The following CCSER1 variants were observed in gnomAD, a reference collection of about 807,000 sequenced individuals.
CCSER1 encodes the protein coiled-coil serine rich protein 1, also known as serine-rich coiled-coil domain-containing protein 1.
In CCSER1, 41 loss-of-function variants were observed where a neutral mutation model predicts 82.0. The ratio of observed to expected loss-of-function variants is 0.50; its 90% CI spans 0.39 to 0.65. The LOEUF is 0.65. Ranked by LOEUF, CCSER1 falls within the 30% of genes least tolerant of loss-of-function variation. CCSER1 has a pLI of 0.00. For synonymous variants in CCSER1, 414 were observed against 383.9 expected (o/e 1.08, Z -0.92); for missense variants, 1,119 against 1,064.2 (o/e 1.05, Z -0.72).
intron 10 of CCSER1, among the ~76,000 whole-genome samples, chr4:91,200,929 C>CA (rs1393448363): frequency 2.0e-5 from 3 of 151,572 alleles, no homozygotes; most frequent in African/African-American, 7.3e-5. Flanking sequence ...TAGTCTTTTA[C>CA]AAAATCTAGT....
At chr4:90,888,448 T>C (rs1214755679) in intron 8 of CCSER1, among the ~76,000 whole-genome samples, 1 of 152,072 alleles carries the variant, frequency 6.6e-6, no homozygotes, top group Non-Finnish European at 1.5e-5. Context: ...AGAGAAACAA[T>C]CCTTTCTATT....
chr4:90,375,859 T>C (rs563228274), intron 3 of CCSER1, among the ~76,000 whole-genome samples: 16 of 152,274 alleles, frequency 1.1e-4, no homozygotes, highest in South Asian at 4.1e-4. Flanking sequence ...AGGCAGTCCC[T>C]CCAAAAACTA....
intron 1 of CCSER1, among the ~76,000 whole-genome samples, chr4:90,181,175 A>G (rs928486690): frequency 2.0e-5 from 3 of 152,268 alleles, no homozygotes; most frequent in Admixed American, 6.6e-5. Flanking sequence ...CAATTTACCC[A>G]TGGAGCAAAC....
chr4:90,154,657 C>T (rs1358981521), intron 1 of CCSER1, among the ~76,000 whole-genome samples: 2 of 147,524 alleles, frequency 1.4e-5, no homozygotes, highest in Non-Finnish European at 1.5e-5. Context: ...AATGGGAGTT[C>T]ACTCATGATT....
chr4:91,218,292 C>A (rs1365006811), intron 10 of CCSER1, among the ~76,000 whole-genome samples: 1 of 152,236 alleles, frequency 6.6e-6, no homozygotes, highest in Admixed American at 6.5e-5. Flanking sequence ...CACACCCACC[C>A]GGAACTCCAG....
chr4:90,861,669 T>C (rs1169269467), intron 8 of CCSER1, among the ~76,000 whole-genome samples: 1 of 151,720 alleles, frequency 6.6e-6, no homozygotes, highest in Non-Finnish European at 1.5e-5. Flanking sequence ...ACAAAATTCT[T>C]GTAGAGTTAT....
At chr4:90,193,858 C>T (rs915698036) in intron 1 of CCSER1, among the ~76,000 whole-genome samples, 1 of 151,968 alleles carries the variant, frequency 6.6e-6, no homozygotes, top group African/African-American at 2.4e-5. Flanking sequence ...AACAAGGAAG[C>T]TAAAGGTAAA....
intron 1 of CCSER1, among the ~76,000 whole-genome samples, chr4:90,161,011 T>A (rs1481463206): frequency 6.6e-6 from 1 of 152,126 alleles, no homozygotes; most frequent in Non-Finnish European, 1.5e-5. Context: ...GCCAAAAAGA[T>A]AAGCTACCTA....
chr4:90,554,196 CA>C, intron 5 of CCSER1, among the ~76,000 whole-genome samples: 1 of 151,640 alleles, frequency 6.6e-6, no homozygotes, highest in African/African-American at 2.4e-5. Context: ...TCTGCCTTTA[CA>C]AAAAAAACAC....
At chr4:90,717,771 GTATATATATGTGTGTA>G (rs1741912808) in intron 6 of CCSER1, among the ~76,000 whole-genome samples, 1 of 147,366 alleles carries the variant, frequency 6.8e-6, no homozygotes, top group South Asian at 2.1e-4. Flanking sequence ...CATATATAGT[GTATATATATGTGTGTA>G]TATATATATA....
At chr4:91,249,950 TA>T (rs57121000) in intron 10 of CCSER1, among the ~76,000 whole-genome samples, 5,873 of 147,160 alleles carry the variant, frequency 0.04, 157 homozygotes, top group African/African-American at 0.076. Context: ...TCCTGAATAA[TA>T]AAAAAAAAAA....
chr4:90,478,542 A>C (rs1157854323), intron 5 of CCSER1, among the ~76,000 whole-genome samples: 1 of 152,112 alleles, frequency 6.6e-6, no homozygotes, highest in Non-Finnish European at 1.5e-5. Flanking sequence ...GTAACACTTA[A>C]ATGTATTTAA....
At chr4:90,941,195 C>G (rs1464296955) in intron 9 of CCSER1, among the ~76,000 whole-genome samples, 1 of 151,734 alleles carries the variant, frequency 6.6e-6, no homozygotes, top group Non-Finnish European at 1.5e-5. Flanking sequence ...AGCCATGGAC[C>G]CTTTTGCTAG....
intron 4 of CCSER1, among the ~76,000 whole-genome samples, chr4:90,466,426 C>G (rs1201992259): frequency 6.6e-6 from 1 of 152,178 alleles, no homozygotes; most frequent in Non-Finnish European, 1.5e-5. Context: ...GCCTTGAATC[C>G]TGCTACTGGA....
chr4:91,213,278 A>G (rs1736982196), intron 10 of CCSER1, among the ~76,000 whole-genome samples: 1 of 151,994 alleles, frequency 6.6e-6, no homozygotes, highest in Non-Finnish European at 1.5e-5. Context: ...GTGAATATCT[A>G]ACTTTGTTTT....
chr4:91,153,925 G>T (rs1730529386), intron 10 of CCSER1, among the ~76,000 whole-genome samples: 1 of 151,992 alleles, frequency 6.6e-6, no homozygotes, highest in Non-Finnish European at 1.5e-5. Flanking sequence ...CCCCTACTGG[G>T]AGGTGCCTCC....
chr4:91,365,361 G>A (rs183762855), intron 10 of CCSER1, among the ~76,000 whole-genome samples: 17 of 152,172 alleles, frequency 1.1e-4, no homozygotes, highest in Non-Finnish European at 1.5e-4. Context: ...TGCCCTGTAC[G>A]TTTTTGATTC....
chr4:90,346,068 A>T (rs1379252992), intron 3 of CCSER1, among the ~76,000 whole-genome samples: 3 of 151,922 alleles, frequency 2.0e-5, no homozygotes, highest in Non-Finnish European at 4.4e-5. Context: ...TGACCTGTGC[A>T]CATTCTGCTT....
chr4:91,097,638 A>G (rs1330421753), intron 10 of CCSER1, among the ~76,000 whole-genome samples: 1 of 152,238 alleles, frequency 6.6e-6, no homozygotes, highest in East Asian at 1.9e-4. Flanking sequence ...AAATATGATC[A>G]ATAACTTTAT....
Sources: gnomAD v4.1 joint callset for allele counts (sites outside exome capture counted in the v4.1 genomes callset) on GRCh38, gnomAD v4.1.1 for gene constraint, MANE v1.5 for transcripts, NCBI Gene and HGNC (gene_info 2026-07-23, HGNC 2026-07-21) for gene names.